NEBL: variants seen among roughly 807,000 people sequenced by gnomAD.
The protein encoded by NEBL is LIM and SH3 protein 2.
In NEBL, 122 loss-of-function variants were observed where a neutral mutation model predicts 140.2. That is an observed-to-expected ratio of 0.87 (90% CI 0.75 to 1.01). The LOEUF is 1.01. NEBL is among the 50% of genes least tolerant of loss of function. The probability of loss-of-function intolerance (pLI) is 0.00; values close to 1 mark genes in which losing one functional copy is unlikely to be tolerated. For missense variants in NEBL, 1,365 were observed against 1,231.3 expected, an observed-to-expected ratio of 1.11 and a Z score of -1.62; for synonymous variants, 436 against 398.9, an observed-to-expected ratio of 1.09 and a Z score of -1.11.
At chr10:21,248,536 G>T (rs575250239) in intron 2 of NEBL, among the ~76,000 whole-genome samples, 21 of 152,148 alleles carry the variant, frequency 1.4e-4, no homozygotes, top group Admixed American at 1.2e-3. Flanking sequence ...TTCGATACAT[G>T]TAGATCACAT....
At chr10:20,818,015 G>C (rs1291879049) in intron 20 of NEBL, among the ~76,000 whole-genome samples, 2 of 152,140 alleles carry the variant, frequency 1.3e-5, no homozygotes. Context: ...GTCATTACAA[G>C]AGAACTCTTG....
chr10:20,868,018 T>C (rs1469417543), intron 7 of NEBL: 8 of 150,790 alleles, frequency 5.3e-5, no homozygotes, highest in Non-Finnish European at 1.2e-4. Context: ...GGTATTTTCT[T>C]TCCACACAAA....
intron 2 of NEBL, among the ~76,000 whole-genome samples, chr10:21,036,531 T>A (rs890801540): frequency 5.9e-5 from 9 of 152,034 alleles, no homozygotes; most frequent in Admixed American, 5.9e-4. Flanking sequence ...TAGTTGATAG[T>A]CAATGAATAG....
chr10:21,103,125 A>G (rs552777269), intron 2 of NEBL, among the ~76,000 whole-genome samples: 1 of 151,942 alleles, frequency 6.6e-6, no homozygotes, highest in South Asian at 2.1e-4. Flanking sequence ...CTACCAAATT[A>G]TTTTATAAAA....
At chr10:21,090,987 C>T (rs1186040609) in intron 2 of NEBL, among the ~76,000 whole-genome samples, 1 of 152,108 alleles carries the variant, frequency 6.6e-6, no homozygotes, top group Non-Finnish European at 1.5e-5. Flanking sequence ...CACCACCACC[C>T]ACCCAGCCAC....
At chr10:21,157,338 G>C (rs1840374888) in intron 2 of NEBL, among the ~76,000 whole-genome samples, 1 of 152,156 alleles carries the variant, frequency 6.6e-6, no homozygotes, top group African/African-American at 2.4e-5. Flanking sequence ...GGGAGGCCGA[G>C]GTGGGTGGAT....
chr10:21,020,269 T>C, intron 2 of NEBL: 1 of 1,392,698 alleles, frequency 7.2e-7, no homozygotes, highest in South Asian at 1.2e-5. Context: ...TTCACACCCA[T>C]TGTTTTGCAC....
At chr10:20,863,464 G>A (rs1843938474) in intron 7 of NEBL, among the ~76,000 whole-genome samples, 1 of 152,244 alleles carries the variant, frequency 6.6e-6, no homozygotes, top group Admixed American at 6.5e-5. Flanking sequence ...TCAATCCCCA[G>A]CAATCTTGGA....
intron 4 of NEBL, among the ~76,000 whole-genome samples, chr10:20,947,794 A>C (rs532613316): frequency 6.8e-4 from 103 of 152,284 alleles, no homozygotes; most frequent in Non-Finnish European, 1.2e-3. Flanking sequence ...CACATGCTTC[A>C]TGCGTAAGTG....
intron 3 of NEBL, among the ~76,000 whole-genome samples, chr10:20,995,660 T>C (rs1046147358): frequency 6.6e-6 from 1 of 152,196 alleles, no homozygotes; most frequent in Non-Finnish European, 1.5e-5. Flanking sequence ...AAACTGTTGC[T>C]AATAAACCCT....
intron 1 of NEBL, among the ~76,000 whole-genome samples, chr10:21,253,538 C>G (rs941215784): frequency 1.4e-5 from 2 of 138,290 alleles, no homozygotes; most frequent in Non-Finnish European, 1.5e-5. Context: ...CTTTTTAAAC[C>G]TCTTTTTTTT....
At chr10:21,183,107 G>A (rs1251817570) in intron 3 of NEBL, among the ~76,000 whole-genome samples, 1 of 152,062 alleles carries the variant, frequency 6.6e-6, no homozygotes, top group African/African-American at 2.4e-5. Flanking sequence ...ATCACACTAG[G>A]GGCCCCCCAA....
chr10:21,158,244 CTG>C (rs1182537432), intron 2 of NEBL, among the ~76,000 whole-genome samples: 1 of 152,226 alleles, frequency 6.6e-6, no homozygotes, highest in Non-Finnish European at 1.5e-5. Flanking sequence ...TTTCTACAAT[CTG>C]TCTCTTCCCC....
At chr10:21,086,180 C>T (rs1026681801) in intron 2 of NEBL, among the ~76,000 whole-genome samples, 6 of 152,120 alleles carry the variant, frequency 3.9e-5, no homozygotes, top group African/African-American at 1.4e-4. Flanking sequence ...AGTTCGACTC[C>T]GTGTTGTTAT....
chr10:20,785,678 T>C lies in NEBL; in HGVS notation c.*69A>G. 1.3e-6 allele frequency: 2 copies of C among 1,514,220 alleles called. No individual in the cohort carries two copies. Among genetic ancestry groups the C allele is most frequent in the Non-Finnish European group, 1.8e-6 (2 of 1,107,742 alleles). The allele number at this position is 1,514,220 out of a possible 1,614,324, so 93.8% of individuals were successfully genotyped here. On this transcript the variant is annotated 3_prime_UTR_variant, in exon 28 of 28. Coordinates refer to ENST00000377122, the MANE Select transcript of NEBL (RefSeq NM_006393.3). Reference sequence around the variant, plus strand: ...TAATGGCCAAGTTGTCTTAAAAGTATCTTCTATCTTTTAAAAAGATTAGGT... The same window carrying C: ...TAATGGCCAAGTTGTCTTAAAAGTACCTTCTATCTTTTAAAAAGATTAGGT...
intron 4 of NEBL, among the ~76,000 whole-genome samples, chr10:20,906,767 GT>G (rs1183433731): frequency 2.6e-5 from 4 of 152,068 alleles, no homozygotes; most frequent in Non-Finnish European, 4.4e-5. Context: ...TTGTTAATAA[GT>G]TCACAAATGT....
chr10:20,893,186 A>G (rs1044459521), intron 2 of NEBL, among the ~76,000 whole-genome samples: 3 of 152,170 alleles, frequency 2.0e-5, no homozygotes, highest in Admixed American at 2.0e-4. Context: ...AGAAACATAC[A>G]AAAGATTCCC....
chr10:20,887,416 T>G (rs1282344073), intron 4 of NEBL, among the ~76,000 whole-genome samples: 5 of 139,538 alleles, frequency 3.6e-5, no homozygotes, highest in Admixed American at 3.6e-4. Flanking sequence ...TCAACCTTTT[T>G]TTTTTTTTTT....
At chr10:21,169,067 A>AAAATATATATATAT (rs1554830679) in intron 2 of NEBL, among the ~76,000 whole-genome samples, 20 of 23,058 alleles carry the variant, frequency 8.7e-4, no homozygotes, top group Non-Finnish European at 1.5e-3. Context: ...AAAAAAAAAA[A>AAAATATATATATAT]ATATATATAT....
Sources: gnomAD v4.1 joint callset for allele counts (sites outside exome capture counted in the v4.1 genomes callset) on GRCh38, gnomAD v4.1.1 for gene constraint, MANE v1.5 for transcripts, NCBI Gene and HGNC (gene_info 2026-07-23, HGNC 2026-07-21) for gene names.